TET3: variants seen among roughly 807,000 people sequenced by gnomAD.
The protein encoded by TET3 is methylcytosine dioxygenase TET3.
A neutral mutation model predicts 141.4 loss-of-function variants in TET3; 19 were observed. The ratio of observed to expected loss-of-function variants is 0.13; its 90% CI spans 0.09 to 0.20. TET3 has a LOEUF of 0.20. Among genes scored for constraint, TET3 ranks in the 10% least tolerant of loss-of-function variants. The probability of loss-of-function intolerance (pLI) is 1.00; values close to 1 mark genes in which losing one functional copy is unlikely to be tolerated. For synonymous variants in TET3, 1,043 were observed against 980.9 expected (o/e 1.06, Z -1.18); for missense variants, 1,874 against 2,356.9 (o/e 0.80, Z 4.24).
intron 4 of TET3, among the ~76,000 whole-genome samples, chr2:74,070,253 C>T (rs951175725): frequency 3.9e-5 from 6 of 152,174 alleles, no homozygotes; most frequent in East Asian, 1.9e-4. Flanking sequence ...CACAGTTCCA[C>T]GTGGCTGGGG....
intron 3 of TET3, among the ~76,000 whole-genome samples, chr2:74,003,386 A>G (rs1684967722): frequency 7.1e-6 from 1 of 141,560 alleles, no homozygotes; most frequent in African/African-American, 2.6e-5. Context: ...TCTCAGCTGG[A>G]TGGTTTTGGG....
the TET3 span, among the ~76,000 whole-genome samples, chr2:74,118,172 C>T: frequency 6.6e-6 from 1 of 152,236 alleles, no homozygotes; most frequent in Non-Finnish European, 1.5e-5. Flanking sequence ...AAAAAGTGAT[C>T]TCTTGTGGTT....
intron 3 of TET3, among the ~76,000 whole-genome samples, chr2:74,019,486 T>G (rs4371381): frequency 6.6e-6 from 1 of 152,014 alleles, no homozygotes; most frequent in African/African-American, 2.4e-5. Flanking sequence ...CCTCATGGTA[T>G]ATTGTCTGTA....
At chr2:74,080,694 GA>G in intron 6 of TET3, 103 bp downstream of exon 6, 36 of 436,180 alleles carry the variant, frequency 8.3e-5, no homozygotes, top group Middle Eastern at 6.4e-4. Flanking sequence ...CTGAGCAGGC[GA>G]GGGCGGGGGG....
chr2:74,036,679 A>T (rs2105317463), intron 3 of TET3, among the ~76,000 whole-genome samples: 1 of 152,318 alleles, frequency 6.6e-6, no homozygotes, highest in South Asian at 2.1e-4. Context: ...TGATTAAATG[A>T]GATAAGTGAA....
At chr2:74,069,418 A>C (rs1689082549) in intron 4 of TET3, among the ~76,000 whole-genome samples, 1 of 150,504 alleles carries the variant, frequency 6.6e-6, no homozygotes, top group Admixed American at 6.7e-5. Context: ...ATAGGTATTA[A>C]ATTAATTTTT....
chr2:73,984,922 C>T lies in TET3; in HGVS notation c.-660C>T, dbSNP rs1368083309. ...CGCGGGGGGCGGGGAGTCCCGCGGA[C>T]GCCTTCATTGCTGCTGCTGCTGCCG... On this transcript the variant is annotated 5_prime_UTR_variant, in exon 1 of 12. The change creates a new upstream start codon in the 5' untranslated region. Transcript: ENST00000409262. The surrounding 1 kb of genome is among the most constrained non-coding windows in gnomAD (Gnocchi z 5.6). Among the ~76,000 whole-genome samples, 22 of 146,260 alleles carry T rather than the reference C, an allele frequency of 1.5e-4. No individual in the cohort carries two copies. The highest frequency in any genetic ancestry group is 1.2e-3 in the East Asian group (6 of 4,950).
In TET3 at chr2:73,990,242, G is replaced by A. The variant is rs200009040; in HGVS notation, c.303+3536G>A. Among the ~76,000 whole-genome samples, 8 of 151,504 alleles carry A rather than the reference G, an allele frequency of 5.3e-5. No homozygotes were observed. The East Asian group carries it at 7.7e-4, about 15-fold the overall frequency. On this transcript the variant is annotated intron_variant, in intron 2 of 11. Transcript: ENST00000409262. ...AAAAAAAAAAAAATTAGCCAGGCAT[G>A]GTGGCATGTGCCTGTAGTCCTAGCT...
At chr2:74,055,362 C>T (rs1376112184) in intron 4 of TET3, among the ~76,000 whole-genome samples, 1 of 152,136 alleles carries the variant, frequency 6.6e-6, no homozygotes, top group Admixed American at 6.5e-5. Flanking sequence ...TGTTTATGGT[C>T]TTGAATATGC....
At chr2:74,092,424 C>T (rs1214457687) in intron 8 of TET3, among the ~76,000 whole-genome samples, 4 of 152,062 alleles carry the variant, frequency 2.6e-5, no homozygotes, top group African/African-American at 9.7e-5. Flanking sequence ...TGGCTTATGA[C>T]AGGCTCTGGG....
the TET3 span, chr2:74,121,482 C>T: frequency 1.3e-5 from 2 of 152,128 alleles, no homozygotes; most frequent in Non-Finnish European, 2.9e-5. Context: ...AGAGTGTGAG[C>T]CTCCTGGAGA....
In TET3 at chr2:74,107,153, G is replaced by C. The variant is rs1241961698; in HGVS notation, c.*4977G>C. ...CATAAGTTACACAGTCCCACATCCA[G>C]GTGCACAGAGTGCGAGTGCACTCCG... is the stretch of plus-strand genomic sequence containing the variant. On this transcript the variant is annotated 3_prime_UTR_variant, in exon 12 of 12. Transcript: ENST00000409262. 6.6e-6 allele frequency: 1 copy of C among 152,310 alleles called. No individual in the cohort carries two copies. The highest frequency in any genetic ancestry group is 6.5e-5 in the Admixed American group (1 of 15,292). The allele number at this position is 152,310 out of a possible 1,614,324, so 9.4% of individuals were successfully genotyped here.
At chr2:74,078,431 TC>T (rs1219405371) in intron 5 of TET3, among the ~76,000 whole-genome samples, 1 of 152,144 alleles carries the variant, frequency 6.6e-6, no homozygotes, top group Non-Finnish European at 1.5e-5. Flanking sequence ...GCTTGCTTTT[TC>T]CCCCCCACTT....
intron 3 of TET3, among the ~76,000 whole-genome samples, chr2:74,021,233 G>C (rs987526347): frequency 1.3e-5 from 2 of 152,186 alleles, no homozygotes; most frequent in Non-Finnish European, 2.9e-5. Flanking sequence ...ATCTCTGCCA[G>C]CTCTGGAGGA....
chr2:74,046,474 C>T lies in TET3; in HGVS notation c.557C>T (p.Pro186Leu), dbSNP rs1057258565. Reference protein sequence around the residue: ...VDQKPDWEAAPGPAHTARLED... With the variant: ...VDQKPDWEAALGPAHTARLED... ...CAAAAGCCCGACTGGGAGGCTGCCCCAGGCCCAGCTCATACTGCTCGCCTG... is the reference window on the plus strand; with the variant it reads ...CAAAAGCCCGACTGGGAGGCTGCCCTAGGCCCAGCTCATACTGCTCGCCTG... The change falls in exon 4 of 12, where the codon CCA becomes CTA. Residue 186 changes from proline to leucine, a missense_variant. Around this residue, in one of 10 missense-constraint regions of TET3, gnomAD observed 366 missense variants for 487.0 expected, o/e 0.75. Transcript: ENST00000409262. The surrounding 1 kb of genome is among the most constrained non-coding windows in gnomAD (Gnocchi z 4.3). 8 of 1,612,986 alleles carry T rather than the reference C, an allele frequency of 5.0e-6. No individual in the cohort carries two copies. Among genetic ancestry groups the T allele is most frequent in the East Asian group, 2.2e-5 (1 of 44,874 alleles).
intron 3 of TET3, among the ~76,000 whole-genome samples, chr2:74,014,827 G>A (rs1685647612): frequency 6.6e-6 from 1 of 152,166 alleles, no homozygotes. Context: ...ATATGGTCCA[G>A]TTGGGATCCT....
At chr2:74,051,188 T>G (rs1249345234) in intron 4 of TET3, among the ~76,000 whole-genome samples, 1 of 152,230 alleles carries the variant, frequency 6.6e-6, no homozygotes, top group Admixed American at 6.5e-5. Flanking sequence ...GAAACCTCTG[T>G]TCTCCTGCAT....
rs781772071 is a variant in TET3, at chr2:74,101,739, A to G, written c.4951A>G (p.Ile1651Val). The G allele has an allele frequency of 3.7e-6, 6 of 1,613,210 alleles. No individual in the cohort carries two copies. Among genetic ancestry groups the G allele is most frequent in the Admixed American group, 3.3e-5 (2 of 60,010 alleles). ...TGAACACAACTTCCTGGACGAGAAC[A>G]TCGGCGGCGTGGCCGTGGCCCCAGC... is the stretch of plus-strand genomic sequence containing the variant. ...DSEHNFLDEN[I>V]GGVAVAPAHG... is the part of the protein sequence containing the mutation. The change falls in exon 12 of 12, where the codon ATC becomes GTC. Residue 1651 changes from isoleucine to valine, a missense_variant. Transcript: ENST00000409262. The surrounding 1 kb of genome is among the most constrained non-coding windows in gnomAD (Gnocchi z 8.5).
intron 10 of TET3, among the ~76,000 whole-genome samples, chr2:74,096,185 A>C (rs1690815258): frequency 6.6e-6 from 1 of 152,056 alleles, no homozygotes; most frequent in Admixed American, 6.6e-5. Flanking sequence ...TCTGTTGTTT[A>C]TAGCATTAGT....
Sources: allele counts gnomAD v4.1 joint callset (sites outside exome capture counted in the v4.1 genomes callset), GRCh38; gene constraint gnomAD v4.1.1; regional missense constraint gnomAD v4.1.1; non-coding constraint Gnocchi (gnomAD v3.1); transcripts MANE v1.5; gene names NCBI Gene and HGNC (gene_info 2026-07-23, HGNC 2026-07-21).